HPSE2: variants seen among roughly 807,000 people sequenced by gnomAD.
HPSE2 encodes the protein heparanase 2 (inactive), also known as inactive heparanase-2.
HPSE2 carries 38 observed loss-of-function variants against 60.5 expected under a neutral mutation model. The ratio of observed to expected loss-of-function variants is 0.63; its 90% CI spans 0.48 to 0.82. The LOEUF (loss-of-function observed/expected upper bound fraction) is 0.82. HPSE2 is among the 40% of genes least tolerant of loss of function. The pLI is 0.00. For synonymous variants in HPSE2, 295 were observed against 293.2 expected (o/e 1.01, Z -0.06); for missense variants, 713 against 740.4 (o/e 0.96, Z 0.43).
At chr10:98,847,580 T>G (rs1952064157) in intron 3 of HPSE2, among the ~76,000 whole-genome samples, 1 of 152,190 alleles carries the variant, frequency 6.6e-6, no homozygotes, top group Admixed American at 6.5e-5. Context: ...AGGCAAAGTG[T>G]AAATTCAGTG....
At chr10:98,563,831 T>C (rs1164716261) in intron 9 of HPSE2, among the ~76,000 whole-genome samples, 4 of 152,168 alleles carry the variant, frequency 2.6e-5, no homozygotes, top group Non-Finnish European at 4.4e-5. Context: ...GTGTGAATCA[T>C]AGCACTTTCC....
chr10:98,937,650 TG>T (rs536330336), intron 3 of HPSE2, among the ~76,000 whole-genome samples: 11 of 143,206 alleles, frequency 7.7e-5, no homozygotes, highest in Non-Finnish European at 1.5e-4. Flanking sequence ...GCTCCACCTC[TG>T]GGGGCAGGGC....
intron 6 of HPSE2, among the ~76,000 whole-genome samples, chr10:98,663,565 G>A (rs1289378990): frequency 3.9e-5 from 6 of 152,160 alleles, no homozygotes; most frequent in Non-Finnish European, 8.8e-5. Context: ...GAAGACTGAA[G>A]CTGAGGAGCC....
chr10:98,721,893 C>T (rs1409802627), intron 4 of HPSE2, 65 bp from the exon 5 acceptor site: 2 of 1,286,644 alleles, frequency 1.6e-6, no homozygotes, highest in African/African-American at 1.5e-5. Flanking sequence ...ACTTTCCTGT[C>T]CACAGATCTC....
At chr10:99,184,819 T>TAGAGAGAGAG (rs1177556672) in intron 2 of HPSE2, among the ~76,000 whole-genome samples, 2 of 19,866 alleles carry the variant, frequency 1.0e-4, no homozygotes, top group Non-Finnish European at 2.0e-4. Context: ...TATATATATA[T>TAGAGAGAGAG]AGAGAGAGAG....
At chr10:99,115,870 C>T (rs1844669364) in intron 3 of HPSE2, among the ~76,000 whole-genome samples, 1 of 152,174 alleles carries the variant, frequency 6.6e-6, no homozygotes, top group South Asian at 2.1e-4. Context: ...AACTTCTAGT[C>T]ATGTGCCTTT....
intron 2 of HPSE2, among the ~76,000 whole-genome samples, chr10:99,154,619 G>A (rs1473947740): frequency 6.6e-6 from 1 of 151,582 alleles, no homozygotes; most frequent in Non-Finnish European, 1.5e-5. Context: ...ACATGGAAAG[G>A]AACAACCGGT....
chr10:99,046,975 C>G (rs1434356210), intron 3 of HPSE2, among the ~76,000 whole-genome samples: 1 of 152,058 alleles, frequency 6.6e-6, no homozygotes, highest in African/African-American at 2.4e-5. Context: ...TTCTAAAATT[C>G]ATATGGAATA....
intron 3 of HPSE2, among the ~76,000 whole-genome samples, chr10:98,808,986 G>A (rs1385127579): frequency 6.6e-6 from 1 of 152,072 alleles, no homozygotes; most frequent in Non-Finnish European, 1.5e-5. Flanking sequence ...CTAATTTACA[G>A]ATTTTAACTT....
Position 98,974,284 on chromosome 10 carries a change from G to A in HPSE2, c.610+169954C>T, listed in dbSNP as rs181174217. ...AGCCTGGGCGACACAGAGTGACTCTGGAAAAAAAAAAGAAAGAAAAGAAAG... is the reference window on the plus strand; with the variant it reads ...AGCCTGGGCGACACAGAGTGACTCTAGAAAAAAAAAAGAAAGAAAAGAAAG... On this transcript the variant is annotated intron_variant, in intron 3 of 11. Transcript: ENST00000370552. Among the ~76,000 whole-genome samples the A allele has an allele frequency of 1.1e-4, 16 of 151,064 alleles. No individual in the cohort carries two copies. The Middle Eastern group carries it at 0.01, about 98-fold the overall frequency.
intron 9 of HPSE2, among the ~76,000 whole-genome samples, chr10:98,508,667 A>G (rs1333392860): frequency 6.6e-6 from 1 of 152,218 alleles, no homozygotes; most frequent in Non-Finnish European, 1.5e-5. Flanking sequence ...TCTGAGGGCC[A>G]GGGAAGAAGT....
chr10:99,018,625 C>T lies in HPSE2; in HGVS notation c.610+125613G>A, dbSNP rs1459886695. On this transcript the variant is annotated intron_variant, in intron 3 of 11. Coordinates refer to ENST00000370552, the MANE Select transcript of HPSE2 (RefSeq NM_021828.5). The stretch of plus-strand genomic sequence containing the variant: ...ACAGCCCAGAGCTTTAAAAGATGTA[C>T]AGGTGCCAAAATTAAGGGCCAAATT... Among the ~76,000 whole-genome samples, 6 of 152,148 alleles carry T rather than the reference C, an allele frequency of 3.9e-5. No homozygotes were observed. The South Asian group carries it at 8.3e-4, about 21-fold the overall frequency.
intron 2 of HPSE2, among the ~76,000 whole-genome samples, chr10:99,228,216 A>G (rs1284755313): frequency 1.3e-5 from 2 of 152,172 alleles, no homozygotes; most frequent in African/African-American, 4.8e-5. Context: ...TTGGGCTGTA[A>G]TAAAAGGTAT....
At chr10:98,990,370 G>A (rs1021033291) in intron 3 of HPSE2, among the ~76,000 whole-genome samples, 12 of 152,180 alleles carry the variant, frequency 7.9e-5, no homozygotes, top group Non-Finnish European at 1.8e-4. Flanking sequence ...TCCCTCACAT[G>A]AGCAGTTCAC....
intron 3 of HPSE2, among the ~76,000 whole-genome samples, chr10:99,135,972 C>G (rs1038611235): frequency 2.1e-4 from 32 of 151,848 alleles, no homozygotes; most frequent in Admixed American, 6.6e-4. Flanking sequence ...AAAACATCAA[C>G]AAAATACATA....
the HPSE2 span, among the ~76,000 whole-genome samples, chr10:99,273,337 G>A: frequency 6.6e-6 from 1 of 152,090 alleles, no homozygotes; most frequent in East Asian, 1.9e-4. Context: ...GGTGATGGTT[G>A]CATCAAAATC....
intron 6 of HPSE2, among the ~76,000 whole-genome samples, chr10:98,643,714 A>C (rs772796441): frequency 3.9e-5 from 6 of 152,150 alleles, no homozygotes; most frequent in Non-Finnish European, 7.4e-5. Flanking sequence ...TTTTTGAAAA[A>C]AAGATCAGAT....
rs372335509 is a variant in HPSE2 at position 98,861,597 on chromosome 10, A to C, written c.611-117541T>G. On this transcript the variant is annotated intron_variant, in intron 3 of 11. Coordinates refer to ENST00000370552, the MANE Select transcript of HPSE2 (RefSeq NM_021828.5). ...ATTATTACTTATTATTTTCTACATC[A>C]TCAATTATCCCTAGAACAAGAAAGG... Among the ~76,000 whole-genome samples the C allele has an allele frequency of 7.6e-4, 116 of 152,318 alleles. 1 individual carries two copies. The highest frequency in any genetic ancestry group is 2.7e-3 in the African/African-American group (112 of 41,582).
chr10:98,724,862 A>G (rs997902869), intron 4 of HPSE2, among the ~76,000 whole-genome samples: 5 of 152,162 alleles, frequency 3.3e-5, no homozygotes, highest in Non-Finnish European at 7.3e-5. Flanking sequence ...ACAGAGAGCC[A>G]AATCATGAGT....
Sources: allele counts gnomAD v4.1 joint callset (sites outside exome capture counted in the v4.1 genomes callset), GRCh38; gene constraint gnomAD v4.1.1; transcripts MANE v1.5; gene names NCBI Gene and HGNC (gene_info 2026-07-23, HGNC 2026-07-21).